The following MAMDC2 variants were observed in gnomAD, a reference collection of about 807,000 sequenced individuals.
MAMDC2 encodes MAM domain containing 2, also known as MAM domain-containing protein 2.
Under a neutral mutation model 89.8 loss-of-function variants are expected in MAMDC2, and 57 were observed. The ratio of observed to expected loss-of-function variants is 0.63; its 90% CI spans 0.51 to 0.79. MAMDC2 has a LOEUF of 0.79. MAMDC2 is among the 30% of genes least tolerant of loss of function. The pLI, the probability that MAMDC2 is intolerant of heterozygous loss-of-function variation, is 0.00. For missense variants in MAMDC2, 800 were observed against 820.6 expected (o/e 0.97, Z 0.31); for synonymous variants, 313 against 293.4 (o/e 1.07, Z -0.68).
chr9:70,126,243 T>C lies in MAMDC2; in HGVS notation c.728T>C (p.Met243Thr). 6.2e-7 allele frequency: 1 copy of C among 1,614,010 alleles called. No individual in the cohort carries two copies. The highest frequency in any genetic ancestry group is 8.5e-7 in the Non-Finnish European group (1 of 1,179,970). ...QLISPLTTAP[M>T]AGCLSFYYQI... ...ATCTCCCCGTTGACCACGGCCCCCA[T>C]GGCTGGCTGCCTGTCATTTTATTAC... Residue 243 changes from methionine to threonine, a missense_variant, in exon 6 of 14, where the codon ATG (methionine) becomes ACG (threonine). Coordinates refer to ENST00000377182, the MANE Select transcript of MAMDC2 (RefSeq NM_153267.5).
chr9:70,144,003 G>T (rs1460653061), intron 9 of MAMDC2, among the ~76,000 whole-genome samples, 184 bp downstream of exon 9: 4 of 152,166 alleles, frequency 2.6e-5, no homozygotes, highest in Non-Finnish European at 4.4e-5. Context: ...TGTTTTCTGG[G>T]TCTCTGAATC....
chr9:70,160,330 T>G (rs2031929274), intron 9 of MAMDC2, among the ~76,000 whole-genome samples: 1 of 152,040 alleles, frequency 6.6e-6, no homozygotes, highest in East Asian at 1.9e-4. Context: ...AATGAAAGCT[T>G]TATGGGGTAA....
In MAMDC2 at chr9:70,221,380, T is replaced by TATATAGAGAG; in HGVS notation, c.1911+2785_1911+2786insTATAGAGAGA. On this transcript the variant is annotated intron_variant, in intron 12 of 13. Coordinates refer to ENST00000377182, the MANE Select transcript of MAMDC2 (RefSeq NM_153267.5). ...AAATATATATATATATATATATATA[T>TATATAGAGAG]AGAGAGAGAGAGAGAGAGAGAGAGA... 9.8e-3 allele frequency among the ~76,000 whole-genome samples: 69 copies of TATATAGAGAG among 7,048 alleles called. 5 individuals carry two copies. Among genetic ancestry groups the TATATAGAGAG allele is most frequent in the East Asian group, 0.02 (2 of 102 alleles). The allele number at this position is 7,048 out of a possible 152,430, so 4.6% of individuals were successfully genotyped here.
Position 70,090,123 on chromosome 9 carries a change from TCACACA to T in MAMDC2, c.149-18065_149-18060del, listed in dbSNP as rs56982239. 2.4e-3 allele frequency among the ~76,000 whole-genome samples: 350 copies of T among 148,060 alleles called. 1 individual carries two copies. Among genetic ancestry groups the T allele is most frequent in the East Asian group, 2.6e-3 (13 of 5,012 alleles). On this transcript the variant is annotated intron_variant, in intron 2 of 13. Coordinates refer to ENST00000377182, the MANE Select transcript of MAMDC2 (RefSeq NM_153267.5). ...CAATTAAAAAAATAGGCCAAGGATGTCACACACACACACACACACACACACACATAA... is the reference window on the plus strand; with the variant it reads ...CAATTAAAAAAATAGGCCAAGGATGTCACACACACACACACACACACATAA...
At chr9:70,058,303 T>C (rs1009581162) in intron 2 of MAMDC2, among the ~76,000 whole-genome samples, 36 of 152,188 alleles carry the variant, frequency 2.4e-4, no homozygotes, top group Non-Finnish European at 8.8e-5. Context: ...GAGCAAGTTA[T>C]TGGTGGAGCC....
intron 9 of MAMDC2, among the ~76,000 whole-genome samples, chr9:70,167,324 G>C (rs2032205355): frequency 6.6e-6 from 1 of 152,102 alleles, no homozygotes; most frequent in Admixed American, 6.6e-5. Flanking sequence ...TTGCATACTG[G>C]TAAGCTGTCA....
Position 70,134,512 on chromosome 9 carries a change from GCTCTGCCATATGCAGAC to G in MAMDC2, c.994+2902_994+2918del, listed in dbSNP as rs2030932803. Reference sequence around the variant, plus strand: ...CCAGCCTCAAACTGAGAGCTCTACTGCTCTGCCATATGCAGACCCAATCTCCTTTCTGGGCTTGGGTC... The same window carrying G: ...CCAGCCTCAAACTGAGAGCTCTACTGCCAATCTCCTTTCTGGGCTTGGGTC... On this transcript the variant is annotated intron_variant, in intron 7 of 13. Transcript: ENST00000377182. 3.3e-5 allele frequency among the ~76,000 whole-genome samples: 5 copies of G among 151,904 alleles called. No individual in the cohort carries two copies. The South Asian group carries it at 1.0e-3, about 32-fold the overall frequency.
At chr9:70,172,662 T>C (rs765243963) in intron 11 of MAMDC2, 1 of 152,702 alleles carries the variant, frequency 6.5e-6, no homozygotes, top group Non-Finnish European at 1.5e-5. Context: ...TTGGCCTCAA[T>C]AGTGATGCAC....
At chr9:70,090,601 CAT>C (rs1335909243) in intron 2 of MAMDC2, 2 of 151,478 alleles carry the variant, frequency 1.3e-5, no homozygotes, top group African/African-American at 4.9e-5. Flanking sequence ...AGTTTAGTAA[CAT>C]ACACTGTATT....
chr9:70,197,837 C>T (rs2033003289), intron 11 of MAMDC2, among the ~76,000 whole-genome samples: 1 of 152,174 alleles, frequency 6.6e-6, no homozygotes. Context: ...CAGGATCACC[C>T]AAATCAGATG....
intron 9 of MAMDC2, chr9:70,153,619 C>T (rs561490327): frequency 6.6e-6 from 1 of 152,208 alleles, no homozygotes; most frequent in South Asian, 2.1e-4. Context: ...ATGAAAATGA[C>T]TAAAGGCATT....
intron 7 of MAMDC2, 109 bp from the exon 8 acceptor site, chr9:70,140,036 C>G: frequency 8.5e-7 from 1 of 1,173,674 alleles, no homozygotes; most frequent in African/African-American, 1.6e-5. Context: ...TGTTTTACTT[C>G]TTCGGTCTCC....
intron 2 of MAMDC2, chr9:70,060,407 A>T (rs1469783830): frequency 6.6e-6 from 1 of 152,238 alleles, no homozygotes; most frequent in Admixed American, 6.5e-5. Context: ...CTTCCTGCCT[A>T]AGTGATGTGC....
At chr9:70,170,319 C>A in intron 10 of MAMDC2, 160 bp from the exon 11 acceptor site, 1 of 606,358 alleles carries the variant, frequency 1.6e-6, no homozygotes, top group Non-Finnish European at 2.7e-6. Context: ...CAGCCTCTAG[C>A]TGGAAGCAGT....
At chr9:70,133,706 A>G (rs1246092791) in intron 7 of MAMDC2, among the ~76,000 whole-genome samples, 1 of 152,248 alleles carries the variant, frequency 6.6e-6, no homozygotes, top group East Asian at 1.9e-4. Context: ...GCAAAGACGG[A>G]AGAAGCTGTT....
At chr9:70,099,410 C>T (rs1443912499) in intron 2 of MAMDC2, among the ~76,000 whole-genome samples, 3 of 152,154 alleles carry the variant, frequency 2.0e-5, no homozygotes, top group African/African-American at 4.8e-5. Flanking sequence ...AAAATGTAAG[C>T]TGATGGCTTA....
intron 12 of MAMDC2, 54 bp downstream of exon 12, chr9:70,218,650 T>A: frequency 4.6e-6 from 7 of 1,512,264 alleles, no homozygotes; most frequent in Non-Finnish European, 6.2e-6. Flanking sequence ...GAGCTTCTGA[T>A]GTTCTTTCTT....
intron 2 of MAMDC2, among the ~76,000 whole-genome samples, chr9:70,095,548 G>A (rs1364756681): frequency 6.6e-6 from 1 of 152,100 alleles, no homozygotes; most frequent in Non-Finnish European, 1.5e-5. Flanking sequence ...GATAGCTGGG[G>A]GTTCCATTCT....
At chr9:70,163,666 G>T (rs1291669517) in intron 9 of MAMDC2, among the ~76,000 whole-genome samples, 1 of 151,950 alleles carries the variant, frequency 6.6e-6, no homozygotes, top group Non-Finnish European at 1.5e-5. Flanking sequence ...CAAAAATCAG[G>T]TAACAGATCT....
Sources: allele counts gnomAD v4.1 joint callset (sites outside exome capture counted in the v4.1 genomes callset), GRCh38; gene constraint gnomAD v4.1.1; transcripts MANE v1.5; gene names NCBI Gene and HGNC (gene_info 2026-07-23, HGNC 2026-07-21).